NCOA1: variants seen among roughly 807,000 people sequenced by gnomAD.
NCOA1 encodes Hin-2 protein.
A neutral mutation model predicts 150.9 loss-of-function variants in NCOA1; 35 were observed. The observed-to-expected ratio is 0.23, with a 90% CI of 0.18 to 0.31. NCOA1 has a LOEUF of 0.31. NCOA1 is among the 10% of genes least tolerant of loss of function. The pLI is 1.00. For missense variants in NCOA1, 1,491 were observed against 1,749.3 expected, an observed-to-expected ratio of 0.85 and a Z score of 2.63; for synonymous variants, 590 against 630.0, an observed-to-expected ratio of 0.94 and a Z score of 0.95.
chr2:24,619,326 G>A (rs112760462), intron 3 of NCOA1, among the ~76,000 whole-genome samples: 329 of 152,278 alleles, frequency 2.2e-3, no homozygotes, highest in Non-Finnish European at 3.4e-3. Flanking sequence ...TTTCCAAACT[G>A]TTGAAGATTC....
chr2:24,501,102 T>G (rs983104757), intron 1 of NCOA1, among the ~76,000 whole-genome samples: 2 of 152,214 alleles, frequency 1.3e-5, no homozygotes, highest in Non-Finnish European at 2.9e-5. Flanking sequence ...TAAGAACAAC[T>G]GATTGCCATC....
At chr2:24,596,795 A>G (rs1421028377) in intron 3 of NCOA1, among the ~76,000 whole-genome samples, 1 of 152,182 alleles carries the variant, frequency 6.6e-6, no homozygotes, top group Non-Finnish European at 1.5e-5. Context: ...TTACATTTCA[A>G]AGAGTTAAAG....
chr2:24,609,279 A>G (rs1281419098), intron 3 of NCOA1, among the ~76,000 whole-genome samples: 1 of 152,194 alleles, frequency 6.6e-6, no homozygotes, highest in East Asian at 1.9e-4. Context: ...GGTTAGTTTT[A>G]GTGGGTTATG....
At chr2:24,613,312 G>A (rs1330465219) in intron 3 of NCOA1, among the ~76,000 whole-genome samples, 2 of 152,186 alleles carry the variant, frequency 1.3e-5, no homozygotes, top group Non-Finnish European at 2.9e-5. Flanking sequence ...TTGTTTACAG[G>A]AAGAAGCTCT....
intron 18 of NCOA1, among the ~76,000 whole-genome samples, chr2:24,740,957 C>T (rs1159897490): frequency 2.0e-5 from 3 of 152,200 alleles, no homozygotes; most frequent in Admixed American, 6.5e-5. Flanking sequence ...TTGACCACTT[C>T]TTTCCTCATC....
chr2:24,588,790 T>C (rs1484686415), intron 3 of NCOA1, among the ~76,000 whole-genome samples: 1 of 152,198 alleles, frequency 6.6e-6, no homozygotes, highest in Non-Finnish European at 1.5e-5. Flanking sequence ...TAAGGTGATA[T>C]TGGTTTCTAA....
chr2:24,752,113 C>T lies in NCOA1; in HGVS notation c.3838C>T (p.Pro1280Ser). ...TCCACCTGCCTCCGGGTATCAGTCA[C>T]CAGACATGAAGGCCTGGCAGCAAGG... ...QTPPASGYQS[P>S]DMKAWQQGAI... is the part of the protein sequence containing the mutation. Residue 1280 changes from proline to serine, a missense_variant, in exon 20 of 23, where the codon CCA becomes TCA. Coordinates refer to ENST00000348332, the MANE Select transcript of NCOA1 (RefSeq NM_003743.5). The T allele has an allele frequency of 6.2e-7, 1 of 1,614,086 alleles. No individual in the cohort carries two copies. Among genetic ancestry groups the T allele is most frequent in the Admixed American group, 1.7e-5 (1 of 60,016 alleles).
intron 1 of NCOA1, among the ~76,000 whole-genome samples, chr2:24,540,211 G>T (rs1057056797): frequency 6.6e-6 from 1 of 152,084 alleles, no homozygotes; most frequent in African/African-American, 2.4e-5. Context: ...CAACAAAAAA[G>T]AACTTAGGAT....
chr2:24,662,139 C>G (rs1249659394), intron 5 of NCOA1, among the ~76,000 whole-genome samples: 1 of 152,098 alleles, frequency 6.6e-6, no homozygotes, highest in Non-Finnish European at 1.5e-5. Context: ...TTCTGTCTCC[C>G]CAAACAGAAT....
intron 7 of NCOA1, among the ~76,000 whole-genome samples, chr2:24,681,492 C>G (rs549796579): frequency 6.6e-6 from 1 of 152,144 alleles, no homozygotes; most frequent in African/African-American, 2.4e-5. Flanking sequence ...TTCAGTGTCA[C>G]GACATTTTCA....
At chr2:24,576,170 GTTTTTTTTTTTTTTTTTTT>G (rs869093026) in intron 2 of NCOA1, among the ~76,000 whole-genome samples, 510 of 46,336 alleles carry the variant, frequency 0.011, 8 homozygotes, top group South Asian at 0.048. Flanking sequence ...TTTGTTTTTT[GTTTTTTTTTTTTTTTTTTT>G]TTGTTTGCTA....
intron 21 of NCOA1, 71 bp downstream of exon 21, chr2:24,758,227 G>A: frequency 7.2e-7 from 1 of 1,396,286 alleles, no homozygotes; most frequent in Admixed American, 2.2e-5. Context: ...CAGGTATGTT[G>A]ACAGTTACTC....
intron 11 of NCOA1, among the ~76,000 whole-genome samples, chr2:24,698,933 A>G (rs12986721): frequency 0.43 from 65,936 of 151,976 alleles, 16,168 homozygotes; most frequent in Admixed American, 0.6. Flanking sequence ...TTTCTGGAAC[A>G]GCTTCGTACA....
intron 3 of NCOA1, among the ~76,000 whole-genome samples, chr2:24,620,358 C>A (rs1186781727): frequency 1.3e-5 from 2 of 152,194 alleles, no homozygotes; most frequent in African/African-American, 4.8e-5. Flanking sequence ...AATCCCAACA[C>A]TTTGGGAGGC....
At chr2:24,639,922 A>G (rs1242136011) in intron 3 of NCOA1, among the ~76,000 whole-genome samples, 946 of 8,818 alleles carry the variant, frequency 0.11, 118 homozygotes, top group African/African-American at 0.12. Context: ...GTGTGTATAT[A>G]TATATATATA....
rs541561314 is a variant in NCOA1, at chr2:24,585,157, C to G, written c.-175+597C>G. ...CACATTATCCCATTGGGTGTTCCCC[C>G]ACCCTAGTGTTTGCTAAATTGGCAT... On this transcript the variant is annotated intron_variant, in intron 3 of 22. Transcript: ENST00000348332. Among the ~76,000 whole-genome samples, 4 of 152,294 alleles carry G rather than the reference C, an allele frequency of 2.6e-5. No individual in the cohort carries two copies. In the South Asian group the frequency reaches 8.3e-4, roughly 32 times the overall value.
chr2:24,491,751 C>T (rs1053378182), intron 1 of NCOA1, among the ~76,000 whole-genome samples, 149 bp downstream of exon 1: 2 of 151,400 alleles, frequency 1.3e-5, no homozygotes, highest in African/African-American at 4.8e-5. Context: ...CCCACTTCCC[C>T]GAGTTCCCCT....
At chr2:24,502,526 T>C (rs1211314929) in intron 1 of NCOA1, among the ~76,000 whole-genome samples, 1 of 152,216 alleles carries the variant, frequency 6.6e-6, no homozygotes, top group Admixed American at 6.5e-5. Context: ...TGGTACTGTT[T>C]TGCTCAGAAA....
At chr2:24,589,494 G>T (rs1667554660) in intron 3 of NCOA1, among the ~76,000 whole-genome samples, 1 of 152,096 alleles carries the variant, frequency 6.6e-6, no homozygotes, top group Non-Finnish European at 1.5e-5. Context: ...CTTCTTCCAT[G>T]GCACATGAGA....
Sources: gnomAD v4.1 joint callset for allele counts (sites outside exome capture counted in the v4.1 genomes callset) on GRCh38, gnomAD v4.1.1 for gene constraint, MANE v1.5 for transcripts, NCBI Gene and HGNC (gene_info 2026-07-23, HGNC 2026-07-21) for gene names.